Variants in GLYATL2 observed in about 807,000 individuals in gnomAD.
GLYATL2 encodes the protein glycine-N-acyltransferase like 2, also known as glycine N-acyltransferase-like protein 2.
A neutral mutation model predicts 21.4 loss-of-function variants in GLYATL2; 25 were observed. The observed-to-expected ratio is 1.17, with a 90% CI of 0.85 to 1.63. The LOEUF (loss-of-function observed/expected upper bound fraction) is 1.63, where lower values mean the gene tolerates loss of function less well. Among genes scored for constraint, GLYATL2 ranks in the 40% most tolerant of loss-of-function variants. The probability of loss-of-function intolerance (pLI) is 0.00; values close to 1 mark genes in which losing one functional copy is unlikely to be tolerated. For synonymous variants in GLYATL2, 114 were observed against 118.2 expected (o/e 0.96, Z 0.23); for missense variants, 361 against 343.3 (o/e 1.05, Z -0.41).
intron 1 of GLYATL2, among the ~76,000 whole-genome samples, chr11:58,857,102 G>A (rs1370402735): frequency 6.6e-6 from 1 of 152,170 alleles, no homozygotes; most frequent in African/African-American, 2.4e-5. Flanking sequence ...TCTCTGTACT[G>A]TTTTGCATAA....
At chr11:58,896,371 G>A (rs542468030) in intron 1 of GLYATL2, among the ~76,000 whole-genome samples, 4 of 152,076 alleles carry the variant, frequency 2.6e-5, no homozygotes, top group Admixed American at 6.5e-5. Context: ...CCCCAAACCC[G>A]GAAACCTGCT....
intron 1 of GLYATL2, among the ~76,000 whole-genome samples, chr11:58,874,838 T>C (rs1854196602): frequency 6.6e-6 from 1 of 152,160 alleles, no homozygotes; most frequent in African/African-American, 2.4e-5. Context: ...AATTCCTGGG[T>C]ATCCTTGTTG....
upstream of GLYATL2, among the ~76,000 whole-genome samples, chr11:58,845,696 A>G (rs1853630081): frequency 6.6e-6 from 1 of 152,192 alleles, no homozygotes; most frequent in Non-Finnish European, 1.5e-5. Flanking sequence ...ATTTTTACAC[A>G]AATAAGGAAG....
intron 1 of GLYATL2, among the ~76,000 whole-genome samples, chr11:58,852,025 G>A (rs1853750805): frequency 6.6e-6 from 1 of 152,200 alleles, no homozygotes; most frequent in African/African-American, 2.4e-5. Flanking sequence ...TCCACTAGAA[G>A]CATCAATAAT....
At chr11:58,887,517 CCTCCT>C (rs1183351703) in intron 1 of GLYATL2, among the ~76,000 whole-genome samples, 19 of 152,168 alleles carry the variant, frequency 1.2e-4, no homozygotes, top group Non-Finnish European at 2.2e-4. Context: ...CTCTCCTCCC[CCTCCT>C]CTCCTCTCCT....
At chr11:58,868,149 C>T (rs1293641612) in intron 1 of GLYATL2, among the ~76,000 whole-genome samples, 1 of 148,976 alleles carries the variant, frequency 6.7e-6, no homozygotes, top group African/African-American at 2.4e-5. Context: ...CATAGGCAGA[C>T]TTGAGGCAGA....
chr11:58,909,744 C>T, the GLYATL2 span, among the ~76,000 whole-genome samples: 1 of 152,094 alleles, frequency 6.6e-6, no homozygotes. Context: ...GTGCCAAGAT[C>T]TCAGAAGGCT....
chr11:58,898,780 C>A (rs1216032638), intron 1 of GLYATL2, among the ~76,000 whole-genome samples: 2 of 151,940 alleles, frequency 1.3e-5, no homozygotes, highest in Non-Finnish European at 2.9e-5. Context: ...TTGCAGTGAG[C>A]CGAGATCGCG....
chr11:58,882,580 G>A (rs1253379162), intron 1 of GLYATL2, among the ~76,000 whole-genome samples: 2 of 152,166 alleles, frequency 1.3e-5, no homozygotes, highest in African/African-American at 2.4e-5. Flanking sequence ...AAGCTCTTTA[G>A]TTTAATAAGA....
chr11:58,895,360 G>A (rs1481450517), intron 1 of GLYATL2, among the ~76,000 whole-genome samples: 1 of 146,538 alleles, frequency 6.8e-6, no homozygotes, highest in East Asian at 2.0e-4. Flanking sequence ...TAAAAACAAA[G>A]TCCAAGAAGC....
chr11:58,857,079 G>A (rs1304278490), intron 1 of GLYATL2, among the ~76,000 whole-genome samples: 1 of 152,132 alleles, frequency 6.6e-6, no homozygotes, highest in Non-Finnish European at 1.5e-5. Flanking sequence ...TCTATTTTTA[G>A]CTTTTTGAGG....
chr11:58,860,694 G>A (rs1853915239), intron 1 of GLYATL2, among the ~76,000 whole-genome samples: 1 of 151,966 alleles, frequency 6.6e-6, no homozygotes, highest in African/African-American at 2.4e-5. Flanking sequence ...TTAGAAAAAT[G>A]TTTTTCACTT....
At chr11:58,865,988 G>T (rs1028128817) in intron 1 of GLYATL2, among the ~76,000 whole-genome samples, 2 of 148,810 alleles carry the variant, frequency 1.3e-5, no homozygotes, top group African/African-American at 4.9e-5. Flanking sequence ...GCTTTAAAAT[G>T]TTCTCGGATG....
Position 58,884,609 on chromosome 11 carries a change from C to A in GLYATL2, n.60+19547G>T, listed in dbSNP as rs113079674. On this transcript the variant is annotated intron_variant and non_coding_transcript_variant, in intron 1 of 4. Transcript: ENST00000533636. Reference sequence around the variant, plus strand: ...GTTATGATGATGGTGGTGGAGTGTTCTGCTACAGGCATTTGGGAACCTCAC... The same window carrying A: ...GTTATGATGATGGTGGTGGAGTGTTATGCTACAGGCATTTGGGAACCTCAC... 2.3e-3 allele frequency among the ~76,000 whole-genome samples: 353 copies of A among 152,296 alleles called. 3 individuals are homozygous for A. The highest frequency in any genetic ancestry group is 7.1e-3 in the African/African-American group (297 of 41,554).
chr11:58,850,693 G>A (rs1321797960), intron 1 of GLYATL2, among the ~76,000 whole-genome samples: 1 of 151,812 alleles, frequency 6.6e-6, no homozygotes, highest in African/African-American at 2.4e-5. Flanking sequence ...TGGTCTAGCG[G>A]TAGCATCAGT....
upstream of GLYATL2, among the ~76,000 whole-genome samples, chr11:58,909,139 CT>C (rs1452900564): frequency 3.3e-5 from 5 of 152,060 alleles, no homozygotes; most frequent in African/African-American, 1.2e-4. Flanking sequence ...TTAATTCAGA[CT>C]TAAGAAATTA....
At chr11:58,834,879 C>A in intron 5 of GLYATL2, 42 bp from the exon 6 acceptor site, 3 of 1,437,172 alleles carry the variant, frequency 2.1e-6, no homozygotes, top group Non-Finnish European at 2.8e-6. Flanking sequence ...GCCAATATTA[C>A]CAAACACTGG....
upstream of GLYATL2, chr11:58,908,573 C>T (rs201062801): frequency 3.2e-5 from 6 of 186,880 alleles, no homozygotes; most frequent in East Asian, 8.2e-4. Flanking sequence ...TACAACTCCT[C>T]ACTGGAGAGA....
In GLYATL2 at chr11:58,837,088, G is replaced by T. The variant is rs1277800826; in HGVS notation, c.403C>A (p.Pro135Thr). 9 of 1,613,654 alleles carry T rather than the reference G, an allele frequency of 5.6e-6. No individual in the cohort carries two copies. The highest frequency in any genetic ancestry group is 6.8e-6 in the Non-Finnish European group (8 of 1,179,612). The change falls in exon 5 of 6, where the codon CCG (proline) becomes ACG (threonine). Residue 135 changes from proline to threonine, a missense_variant. By Grantham distance (38) the Pro-to-Thr change is conservative (BLOSUM62 -1). Coordinates refer to ENST00000287275, the MANE Select transcript of GLYATL2 (RefSeq NM_145016.4). ...GTCTTGTGTTTCTTTGGTAATTCCG[G>T]TATAAAGAGGATGGTTTTCATGTAA... Reference protein sequence around the residue: ...VDYMKTILFIPELPKKHKTSS... With the variant: ...VDYMKTILFITELPKKHKTSS...
Sources: gnomAD v4.1 joint callset for allele counts (sites outside exome capture counted in the v4.1 genomes callset) on GRCh38, gnomAD v4.1.1 for gene constraint, MANE v1.5 for transcripts, NCBI Gene and HGNC (gene_info 2026-07-23, HGNC 2026-07-21) for gene names.